ZFYVE9: variants seen among roughly 807,000 people sequenced by gnomAD.
The protein encoded by ZFYVE9 is zinc finger FYVE domain-containing protein 9.
Under a neutral mutation model 126.7 loss-of-function variants are expected in ZFYVE9, and 43 were observed. The ratio of observed to expected loss-of-function variants is 0.34; its 90% CI spans 0.27 to 0.44. The LOEUF (loss-of-function observed/expected upper bound fraction) is 0.44, where lower values mean the gene tolerates loss of function less well. Ranked by LOEUF, ZFYVE9 falls within the 20% of genes least tolerant of loss-of-function variation. The pLI is 1.00. For synonymous variants in ZFYVE9, 521 were observed against 597.4 expected (o/e 0.87, Z 1.87); for missense variants, 1,476 against 1,697.0 (o/e 0.87, Z 2.29).
chr1:52,232,252 T>G (rs1645230234), intron 2 of ZFYVE9, among the ~76,000 whole-genome samples: 1 of 152,068 alleles, frequency 6.6e-6, no homozygotes, highest in Non-Finnish European at 1.5e-5. Context: ...AGGAAATAGG[T>G]GTGGAGATCA....
At chr1:52,310,213 C>T (rs1013921761) in intron 13 of ZFYVE9, among the ~76,000 whole-genome samples, 5 of 152,140 alleles carry the variant, frequency 3.3e-5, no homozygotes, top group African/African-American at 1.2e-4. Context: ...AAGCGATCTG[C>T]TTGCCTCAGC....
intron 12 of ZFYVE9, among the ~76,000 whole-genome samples, chr1:52,302,023 T>G (rs1031269534): frequency 1.3e-5 from 2 of 152,216 alleles, no homozygotes; most frequent in African/African-American, 4.8e-5. Context: ...CTTGGGTCTT[T>G]TAAGATCTTT....
At position 52,344,831 on chromosome 1, in the gene ZFYVE9, TTGAC is replaced by T; in HGVS notation, c.4007_4010del (p.Thr1336SerfsTer15). The T allele has an allele frequency of 1.2e-6, 2 of 1,614,208 alleles. No individual in the cohort carries two copies. The highest frequency in any genetic ancestry group is 1.7e-6 in the Non-Finnish European group (2 of 1,180,036). On this transcript the variant is annotated frameshift_variant, in exon 18 of 19. Transcript: ENST00000287727. LOFTEE classifies it high-confidence loss of function. ...CAGTGATCCTGCAGATCACAGTAGA[TTGAC>T]TGAGCATGTTGCCAAAGCTTTTTGC...
At chr1:52,198,836 T>C (rs929271443) in intron 1 of ZFYVE9, among the ~76,000 whole-genome samples, 1 of 152,204 alleles carries the variant, frequency 6.6e-6, no homozygotes, top group African/African-American at 2.4e-5. Flanking sequence ...TCCGCCATTA[T>C]CAATATCCTC....
chr1:52,173,819 G>C (rs1314299694), intron 1 of ZFYVE9, among the ~76,000 whole-genome samples: 2 of 152,122 alleles, frequency 1.3e-5, no homozygotes, highest in Non-Finnish European at 2.9e-5. Context: ...TCTGATGGTA[G>C]TTTGTATTCC....
At chr1:52,164,030 C>T (rs1446666806) in intron 1 of ZFYVE9, among the ~76,000 whole-genome samples, 1 of 151,994 alleles carries the variant, frequency 6.6e-6, no homozygotes, top group East Asian at 1.9e-4. Flanking sequence ...CTGCTCACTG[C>T]AACCCCCGCC....
At chr1:52,330,065 A>G (rs1646326611) in intron 13 of ZFYVE9, among the ~76,000 whole-genome samples, 2 of 151,774 alleles carry the variant, frequency 1.3e-5, no homozygotes, top group Non-Finnish European at 2.9e-5. Flanking sequence ...CATAGTCTCT[A>G]AAAAAAAGAC....
intron 1 of ZFYVE9, among the ~76,000 whole-genome samples, chr1:52,150,968 T>G (rs559968693): frequency 2.0e-5 from 3 of 152,022 alleles, no homozygotes; most frequent in Non-Finnish European, 4.4e-5. Context: ...TAGGCCTTTT[T>G]GTGATTCTGG....
chr1:52,297,138 C>T (rs1384352386), intron 12 of ZFYVE9, among the ~76,000 whole-genome samples: 1 of 152,134 alleles, frequency 6.6e-6, no homozygotes, highest in East Asian at 1.9e-4. Flanking sequence ...ACTACCTTGC[C>T]CTGGTTGAAC....
chr1:52,325,896 A>G (rs1369728409), intron 13 of ZFYVE9, among the ~76,000 whole-genome samples: 3 of 152,266 alleles, frequency 2.0e-5, no homozygotes, highest in Non-Finnish European at 4.4e-5. Context: ...GTTAACTGAA[A>G]GATGGATTAG....
At chr1:52,287,930 T>A (rs1645878758) in intron 10 of ZFYVE9, among the ~76,000 whole-genome samples, 1 of 152,208 alleles carries the variant, frequency 6.6e-6, no homozygotes, top group Non-Finnish European at 1.5e-5. Context: ...CTGAACCTTT[T>A]GGTAAATTTA....
chr1:52,234,259 A>G (rs1317776118), intron 3 of ZFYVE9, among the ~76,000 whole-genome samples: 2 of 152,154 alleles, frequency 1.3e-5, no homozygotes. Context: ...AAAGTCCATG[A>G]TTCCAGTCCA....
rs1208755884 is a variant in ZFYVE9, at chr1:52,342,604, C to T, written c.3940-2164C>T. On this transcript the variant is annotated intron_variant, in intron 17 of 18. Coordinates refer to ENST00000287727, the MANE Select transcript of ZFYVE9 (RefSeq NM_004799.4). ...AGGCTGGATTGCAATGGTGCAATCT[C>T]GGCTGACTGCAACCTCTGCCTCCTG... Among the ~76,000 whole-genome samples the T allele has an allele frequency of 5.4e-5, 8 of 149,280 alleles. No homozygotes were observed. In the South Asian group the frequency reaches 6.4e-4, roughly 12 times the overall value.
chr1:52,324,252 A>AAC (rs11468199), intron 13 of ZFYVE9, among the ~76,000 whole-genome samples: 41 of 150,182 alleles, frequency 2.7e-4, no homozygotes, highest in South Asian at 1.3e-3. Context: ...CTGTCTCAAA[A>AAC]ACACACACAC....
At chr1:52,178,329 C>CTTTT (rs796749185) in intron 1 of ZFYVE9, among the ~76,000 whole-genome samples, 5 of 114,446 alleles carry the variant, frequency 4.4e-5, no homozygotes, top group African/African-American at 1.6e-4. Context: ...CATATTTGGG[C>CTTTT]TTTTTTTTTT....
In ZFYVE9 at chr1:52,198,354, C is replaced by T. The variant is rs563048800; in HGVS notation, c.-142-18015C>T. Among the ~76,000 whole-genome samples, 3 of 151,866 alleles carry T rather than the reference C, an allele frequency of 2.0e-5. No homozygotes were observed. In the East Asian group the frequency reaches 5.8e-4, roughly 29 times the overall value. On this transcript the variant is annotated intron_variant, in intron 1 of 18. Transcript: ENST00000287727. ...GAACTCCTGAGGTCAGGTGATCCAC[C>T]TGCCTCGACCTCCCTTACAGGCATG...
intron 1 of ZFYVE9, among the ~76,000 whole-genome samples, chr1:52,181,878 T>C (rs1234420299): frequency 6.7e-6 from 1 of 150,030 alleles, no homozygotes; most frequent in Non-Finnish European, 1.5e-5. Context: ...GAGGAGCCCC[T>C]CCGCCCGGCA....
At chr1:52,266,584 C>A in intron 5 of ZFYVE9, 71 bp from the exon 6 acceptor site, 4 of 1,326,214 alleles carry the variant, frequency 3.0e-6, no homozygotes, top group South Asian at 1.6e-5. Context: ...ATTATTTATC[C>A]AATATTGTGG....
At chr1:52,242,766 A>G (rs926712670) in intron 4 of ZFYVE9, among the ~76,000 whole-genome samples, 3 of 152,190 alleles carry the variant, frequency 2.0e-5, no homozygotes, top group African/African-American at 4.8e-5. Context: ...TTACATGGCA[A>G]TTCACAGTTT....
Sources: allele counts gnomAD v4.1 joint callset (sites outside exome capture counted in the v4.1 genomes callset), GRCh38; gene constraint gnomAD v4.1.1; transcripts MANE v1.5; gene names NCBI Gene and HGNC (gene_info 2026-07-23, HGNC 2026-07-21).